NRG3: variants seen among roughly 807,000 people sequenced by gnomAD.
NRG3 encodes the protein neuregulin 3, also known as pro-neuregulin-3, membrane-bound isoform.
In NRG3, 31 loss-of-function variants were observed where a neutral mutation model predicts 66.9. The observed-to-expected ratio is 0.46, with a 90% CI of 0.35 to 0.63. The LOEUF is 0.63. Among genes scored for constraint, NRG3 ranks in the 20% least tolerant of loss-of-function variants. NRG3 has a pLI of 0.00. For missense variants in NRG3, 910 were observed against 878.9 expected, an observed-to-expected ratio of 1.04 and a Z score of -0.45; for synonymous variants, 393 against 359.4, an observed-to-expected ratio of 1.09 and a Z score of -1.06.
At chr10:82,942,600 G>A (rs150128435) in intron 4 of NRG3, among the ~76,000 whole-genome samples, 1 of 152,328 alleles carries the variant, frequency 6.6e-6, no homozygotes, top group Non-Finnish European at 1.5e-5. Context: ...TCAGAACCCA[G>A]CATTAGAACA....
chr10:82,408,146 A>AG (rs1554911188), intron 2 of NRG3, among the ~76,000 whole-genome samples: 42 of 149,786 alleles, frequency 2.8e-4, no homozygotes, highest in Non-Finnish European at 3.7e-4. Context: ...AAAGAAAGAA[A>AG]AGAAAAAGAA....
intron 4 of NRG3, among the ~76,000 whole-genome samples, chr10:82,922,542 C>T (rs528755800): frequency 2.6e-5 from 4 of 152,246 alleles, no homozygotes; most frequent in Admixed American, 6.5e-5. Context: ...CTAGGACCCA[C>T]CCTCATCTTG....
At chr10:82,068,847 C>A (rs568700553) in intron 1 of NRG3, among the ~76,000 whole-genome samples, 1 of 152,132 alleles carries the variant, frequency 6.6e-6, no homozygotes, top group African/African-American at 2.4e-5. Context: ...ATGAAATAAT[C>A]GTATTTGTGT....
intron 3 of NRG3, among the ~76,000 whole-genome samples, chr10:82,773,528 T>G (rs1375142688): frequency 1.3e-5 from 2 of 152,168 alleles, no homozygotes; most frequent in African/African-American, 4.8e-5. Flanking sequence ...TTTCCACATT[T>G]GTAGATTGCC....
At chr10:82,436,002 A>G in intron 2 of NRG3, among the ~76,000 whole-genome samples, 1 of 151,744 alleles carries the variant, frequency 6.6e-6, no homozygotes, top group East Asian at 1.9e-4. Context: ...ACTGAGAAGA[A>G]TATATATTCT....
intron 1 of NRG3, among the ~76,000 whole-genome samples, chr10:82,115,124 G>A (rs2090085891): frequency 6.6e-6 from 1 of 152,020 alleles, no homozygotes; most frequent in African/African-American, 2.4e-5. Context: ...GAGACTTAGA[G>A]TACCCCTGTG....
At chr10:82,511,496 G>A (rs928247388) in intron 2 of NRG3, among the ~76,000 whole-genome samples, 5 of 152,112 alleles carry the variant, frequency 3.3e-5, no homozygotes, top group African/African-American at 7.2e-5. Context: ...ACTCATCCCC[G>A]CTGGGCACCT....
intron 1 of NRG3, among the ~76,000 whole-genome samples, chr10:81,929,543 T>C (rs1305519013): frequency 2.6e-5 from 4 of 152,140 alleles, no homozygotes; most frequent in Non-Finnish European, 4.4e-5. Context: ...GAAACACATT[T>C]TTTTCTTTTA....
intron 1 of NRG3, among the ~76,000 whole-genome samples, chr10:81,886,599 A>T (rs1842631139): frequency 2.0e-5 from 3 of 152,170 alleles, no homozygotes; most frequent in Non-Finnish European, 2.9e-5. Context: ...ATGGTTTTTC[A>T]TAAGAAGGAC....
chr10:82,697,267 A>G (rs2055462318), intron 2 of NRG3, among the ~76,000 whole-genome samples: 1 of 150,852 alleles, frequency 6.6e-6, no homozygotes, highest in Non-Finnish European at 1.5e-5. Flanking sequence ...ATGAAGTAGG[A>G]AAAAGTGTTA....
At chr10:81,910,268 G>A (rs1303587419) in intron 1 of NRG3, among the ~76,000 whole-genome samples, 2 of 152,128 alleles carry the variant, frequency 1.3e-5, no homozygotes, top group Non-Finnish European at 2.9e-5. Context: ...GCTCTAGCTT[G>A]CAGAGAAGAG....
chr10:82,211,698 A>C lies in NRG3; in HGVS notation c.824-147041A>C, dbSNP rs199855528. Among the ~76,000 whole-genome samples the C allele has an allele frequency of 5.9e-5, 9 of 152,318 alleles. No individual in the cohort carries two copies. In the East Asian group the frequency reaches 1.7e-3, roughly 29 times the overall value. ...GTCTTCAGGACTATTTGGAAATTATAGTTAACAAAATCTAGAGAGCCATGA... is the reference window on the plus strand; with the variant it reads ...GTCTTCAGGACTATTTGGAAATTATCGTTAACAAAATCTAGAGAGCCATGA... On this transcript the variant is annotated intron_variant, in intron 1 of 8. Transcript: ENST00000372141.
rs527641156 is a variant in NRG3, at chr10:82,978,073, C to T, written c.1413-877C>T. On this transcript the variant is annotated intron_variant, in intron 7 of 8. Coordinates refer to ENST00000372141, the MANE Select transcript of NRG3 (RefSeq NM_001010848.4). The stretch of plus-strand genomic sequence containing the variant: ...TGCAGAACCAGTGTGACCACATAAA[C>T]TAGCATCTCGTGGAATGTCTACACA... Among the ~76,000 whole-genome samples the T allele has an allele frequency of 4.6e-5, 7 of 152,262 alleles. No homozygotes were observed. The East Asian group carries it at 1.4e-3, about 29-fold the overall frequency.
intron 2 of NRG3, among the ~76,000 whole-genome samples, chr10:82,415,478 A>G (rs2088484882): frequency 6.6e-6 from 1 of 152,198 alleles, no homozygotes; most frequent in South Asian, 2.1e-4. Flanking sequence ...TCTTGTAATT[A>G]TGCTACATAA....
At chr10:81,897,022 A>G (rs1843592559) in intron 1 of NRG3, among the ~76,000 whole-genome samples, 1 of 152,184 alleles carries the variant, frequency 6.6e-6, no homozygotes, top group Admixed American at 6.5e-5. Context: ...GAATTTATAT[A>G]GGTGTTCGGG....
At chr10:82,570,501 A>G (rs773522103) in intron 2 of NRG3, among the ~76,000 whole-genome samples, 1 of 151,650 alleles carries the variant, frequency 6.6e-6, no homozygotes, top group African/African-American at 2.4e-5. Flanking sequence ...GACCTCAAGT[A>G]CTTAATAAAT....
At chr10:82,159,556 T>C (rs1414332602) in intron 1 of NRG3, among the ~76,000 whole-genome samples, 1 of 151,904 alleles carries the variant, frequency 6.6e-6, no homozygotes, top group Non-Finnish European at 1.5e-5. Flanking sequence ...GTACCCTGGG[T>C]TCACTCCAGT....
intron 5 of NRG3, among the ~76,000 whole-genome samples, chr10:82,954,538 A>G (rs1564662070): frequency 6.6e-6 from 1 of 151,928 alleles, no homozygotes; most frequent in Non-Finnish European, 1.5e-5. Context: ...CCTGGGACAC[A>G]GTTTTATTTA....
intron 3 of NRG3, among the ~76,000 whole-genome samples, chr10:82,764,640 C>G (rs970385840): frequency 6.6e-6 from 1 of 151,216 alleles, no homozygotes; most frequent in African/African-American, 2.4e-5. Flanking sequence ...TCCCAAAGTA[C>G]TCCCAAAGTA....
Sources: gnomAD v4.1 joint callset for allele counts (sites outside exome capture counted in the v4.1 genomes callset) on GRCh38, gnomAD v4.1.1 for gene constraint, MANE v1.5 for transcripts, NCBI Gene and HGNC (gene_info 2026-07-23, HGNC 2026-07-21) for gene names.